CDH18: variants seen among roughly 807,000 people sequenced by gnomAD.
CDH18 encodes the protein cadherin-18.
Under a neutral mutation model 67.9 loss-of-function variants are expected in CDH18, and 31 were observed. That is an observed-to-expected ratio of 0.46 (90% CI 0.34 to 0.62). The LOEUF is 0.62. CDH18 is among the 20% of genes least tolerant of loss of function. The pLI, the probability that CDH18 is intolerant of heterozygous loss-of-function variation, is 0.01. For synonymous variants in CDH18, 362 were observed against 347.2 expected (o/e 1.04, Z -0.48); for missense variants, 890 against 975.5 (o/e 0.91, Z 1.17).
At chr5:20,381,670 A>C (rs965970817) in intron 1 of CDH18, among the ~76,000 whole-genome samples, 3 of 152,208 alleles carry the variant, frequency 2.0e-5, no homozygotes, top group African/African-American at 4.8e-5. Context: ...CAAATAAATA[A>C]GTAAATAAAA....
chr5:20,143,216 T>C (rs1010618105), intron 2 of CDH18, among the ~76,000 whole-genome samples: 16 of 151,996 alleles, frequency 1.1e-4, no homozygotes, highest in African/African-American at 3.9e-4. Flanking sequence ...GGGATTCCGA[T>C]GAAGTCTCCA....
rs112113064 is a variant in CDH18 at position 19,722,261 on chromosome 5, C to T, written c.524-795G>A. Among the ~76,000 whole-genome samples the T allele has an allele frequency of 4.1e-3, 625 of 151,772 alleles. 1 individual carries two copies. The highest frequency in any genetic ancestry group is 5.9e-3 in the South Asian group (28 of 4,780). ...TAGAAACAGGGTTTCGCCATGTTGG[C>T]CAGGTTGGTCTTGAACTCCTGATCT... is the stretch of plus-strand genomic sequence containing the variant. On this transcript the variant is annotated intron_variant, in intron 4 of 12. Coordinates refer to ENST00000382275, the MANE Select transcript of CDH18 (RefSeq NM_004934.5).
At chr5:20,394,908 G>GC (rs1745162857) in intron 1 of CDH18, among the ~76,000 whole-genome samples, 1 of 151,958 alleles carries the variant, frequency 6.6e-6, no homozygotes, top group East Asian at 1.9e-4. Context: ...AGGCAGGATG[G>GC]CAAGTATTAA....
chr5:20,496,592 A>T lies in CDH18; in HGVS notation c.-580+78870T>A, dbSNP rs187154073. Among the ~76,000 whole-genome samples, 5 of 152,226 alleles carry T rather than the reference A, an allele frequency of 3.3e-5. No homozygotes were observed. In the East Asian group the frequency reaches 9.6e-4, roughly 29 times the overall value. On this transcript the variant is annotated intron_variant, in intron 1 of 14. Coordinates refer to the CDH18 transcript ENST00000507958. ...AGTCTCGCTCTGTCGCCAATATACTAATGAGGAAACAATGTGGGAATTATC... is the reference window on the plus strand; with the variant it reads ...AGTCTCGCTCTGTCGCCAATATACTTATGAGGAAACAATGTGGGAATTATC...
chr5:19,896,635 C>T (rs999219415), intron 2 of CDH18, among the ~76,000 whole-genome samples: 1 of 152,142 alleles, frequency 6.6e-6, no homozygotes, highest in Non-Finnish European at 1.5e-5. Context: ...CTTCTGGTAT[C>T]CAGAACAGTG....
intron 4 of CDH18, among the ~76,000 whole-genome samples, chr5:19,743,480 C>T (rs2150713469): frequency 6.6e-6 from 1 of 152,200 alleles, no homozygotes; most frequent in East Asian, 1.9e-4. Flanking sequence ...TCTGCCATTG[C>T]CGTGCCAAAA....
chr5:19,983,080 T>G (rs1799224183), intron 1 of CDH18, among the ~76,000 whole-genome samples: 2 of 150,396 alleles, frequency 1.3e-5, no homozygotes, highest in South Asian at 4.2e-4. Flanking sequence ...TGGAGAAATA[T>G]CTGTAACTCA....
At chr5:19,491,074 T>C (rs1037391869) in intron 11 of CDH18, among the ~76,000 whole-genome samples, 9 of 152,162 alleles carry the variant, frequency 5.9e-5, no homozygotes, top group African/African-American at 2.2e-4. Context: ...TAGTCAAGCT[T>C]GAGTGTCTGC....
At chr5:20,363,390 C>G (rs1328140852) in intron 1 of CDH18, among the ~76,000 whole-genome samples, 3 of 140,504 alleles carry the variant, frequency 2.1e-5, no homozygotes, top group African/African-American at 5.3e-5. Flanking sequence ...AAGGCTGAGA[C>G]AGAAGAATCA....
At chr5:19,959,084 T>G (rs970847134) in intron 2 of CDH18, among the ~76,000 whole-genome samples, 1 of 152,026 alleles carries the variant, frequency 6.6e-6, no homozygotes, top group South Asian at 2.1e-4. Flanking sequence ...AAGAAAGATA[T>G]TTGTAAAATG....
intron 3 of CDH18, among the ~76,000 whole-genome samples, chr5:19,784,521 A>C (rs567675803): frequency 1.6e-4 from 24 of 152,210 alleles, no homozygotes; most frequent in Admixed American, 7.2e-4. Context: ...TCTTTGTTTC[A>C]ATTTTTTTGC....
At chr5:20,555,816 C>T (rs1309044037) in intron 1 of CDH18, among the ~76,000 whole-genome samples, 2 of 151,510 alleles carry the variant, frequency 1.3e-5, no homozygotes, top group Non-Finnish European at 2.9e-5. Flanking sequence ...CTTTCTCATC[C>T]TATTTTACTT....
intron 2 of CDH18, among the ~76,000 whole-genome samples, chr5:19,841,161 G>T (rs1009488912): frequency 2.0e-5 from 3 of 152,170 alleles, no homozygotes; most frequent in African/African-American, 4.8e-5. Context: ...TGCAACAATT[G>T]TGTAGGATTA....
chr5:19,932,716 T>A (rs1793835176), intron 2 of CDH18, among the ~76,000 whole-genome samples: 1 of 151,772 alleles, frequency 6.6e-6, no homozygotes, highest in Admixed American at 6.6e-5. Flanking sequence ...TCATAGTACT[T>A]AATATCCATC....
At chr5:19,993,080 C>T (rs908798555), upstream of CDH18, among the ~76,000 whole-genome samples, 1 of 152,102 alleles carries the variant, frequency 6.6e-6, no homozygotes, top group Non-Finnish European at 1.5e-5. Context: ...AAGAAATTGT[C>T]CCTTAACAGA....
chr5:20,332,817 G>A (rs900770167), intron 1 of CDH18, among the ~76,000 whole-genome samples: 1 of 152,090 alleles, frequency 6.6e-6, no homozygotes, highest in Admixed American at 6.6e-5. Flanking sequence ...AAAGTCTTCT[G>A]AAAACTTTGG....
chr5:20,443,210 A>C (rs1749755632), intron 1 of CDH18, among the ~76,000 whole-genome samples: 1 of 16,570 alleles, frequency 6.0e-5, no homozygotes, highest in African/African-American at 1.2e-4. Context: ...ACTCCGTCAC[A>C]AAAAAAAAAA....
At chr5:19,675,197 G>C (rs1759305217) in intron 5 of CDH18, among the ~76,000 whole-genome samples, 3 of 152,022 alleles carry the variant, frequency 2.0e-5, no homozygotes, top group Non-Finnish European at 2.9e-5. Context: ...AATATCACAA[G>C]GCAAATGGAG....
At position 19,645,260 on chromosome 5, in the gene CDH18, A is replaced by G. The variant is rs550459822; in HGVS notation, c.644-32659T>C. 2.6e-5 allele frequency among the ~76,000 whole-genome samples: 4 copies of G among 152,326 alleles called. No individual in the cohort carries two copies. In the South Asian group the frequency reaches 6.2e-4, roughly 24 times the overall value. On this transcript the variant is annotated intron_variant, in intron 5 of 12. Coordinates refer to ENST00000382275, the MANE Select transcript of CDH18 (RefSeq NM_004934.5). Reference sequence around the variant, plus strand: ...CAGTTATAGGAAAAGACATTTAATAAAAGGTAGTATTTATCAGAGAATGAG... The same window carrying G: ...CAGTTATAGGAAAAGACATTTAATAGAAGGTAGTATTTATCAGAGAATGAG...
Sources: gnomAD v4.1 joint callset for allele counts (sites outside exome capture counted in the v4.1 genomes callset) on GRCh38, gnomAD v4.1.1 for gene constraint, MANE v1.5 for transcripts, NCBI Gene and HGNC (gene_info 2026-07-23, HGNC 2026-07-21) for gene names.